LRP1B: variants seen among roughly 807,000 people sequenced by gnomAD.
LRP1B encodes LDL receptor related protein 1B, also known as low-density lipoprotein receptor-related protein 1B.
In LRP1B, 217 loss-of-function variants were observed where a neutral mutation model predicts 556.6. That is an observed-to-expected ratio of 0.39 (90% CI 0.35 to 0.44). LRP1B has a LOEUF of 0.44. Ranked by LOEUF, LRP1B falls within the 20% of genes least tolerant of loss-of-function variation. The pLI, the probability that LRP1B is intolerant of heterozygous loss-of-function variation, is 1.00. For missense variants in LRP1B, 5,053 were observed against 5,620.8 expected, an observed-to-expected ratio of 0.90 and a Z score of 3.23; for synonymous variants, 2,047 against 1,865.8, an observed-to-expected ratio of 1.10 and a Z score of -2.50.
intron 14 of LRP1B, among the ~76,000 whole-genome samples, chr2:141,005,949 C>T (rs920633404): frequency 2.6e-5 from 4 of 151,860 alleles, no homozygotes; most frequent in Non-Finnish European, 5.9e-5. Flanking sequence ...TCTGTGAAGA[C>T]CCAAAAATGA....
intron 4 of LRP1B, among the ~76,000 whole-genome samples, chr2:141,250,542 C>T (rs1196909825): frequency 6.6e-6 from 1 of 152,150 alleles, no homozygotes; most frequent in Non-Finnish European, 1.5e-5. Context: ...TTGGCTGTTG[C>T]ATCCTTTATA....
At chr2:140,476,627 A>C (rs1334034287) in intron 59 of LRP1B, among the ~76,000 whole-genome samples, 2 of 152,014 alleles carry the variant, frequency 1.3e-5, no homozygotes, top group African/African-American at 4.8e-5. Flanking sequence ...TTTGACAATC[A>C]TTTTCTTGAT....
At chr2:141,827,037 A>G (rs1037307721) in intron 1 of LRP1B, among the ~76,000 whole-genome samples, 4 of 152,324 alleles carry the variant, frequency 2.6e-5, no homozygotes, top group South Asian at 2.1e-4. Flanking sequence ...GAAAAATTCT[A>G]TGAGACCCAA....
At chr2:141,114,217 T>C (rs1010497214) in intron 7 of LRP1B, among the ~76,000 whole-genome samples, 1 of 152,240 alleles carries the variant, frequency 6.6e-6, no homozygotes, top group South Asian at 2.1e-4. Context: ...CATGGTAGCG[T>C]CTAAGGGTGT....
chr2:140,524,876 G>A (rs774030373), intron 49 of LRP1B, among the ~76,000 whole-genome samples: 5 of 151,814 alleles, frequency 3.3e-5, no homozygotes, highest in Admixed American at 6.6e-5. Context: ...ATCAATACAA[G>A]CCCAAACCTC....
At chr2:140,270,811 C>G (rs879828963) in intron 85 of LRP1B, among the ~76,000 whole-genome samples, 12 of 151,840 alleles carry the variant, frequency 7.9e-5, no homozygotes, top group African/African-American at 2.9e-4. Context: ...ACTTTTAGAC[C>G]CCACATTTCA....
chr2:140,663,685 C>T (rs74568923), intron 41 of LRP1B, among the ~76,000 whole-genome samples: 15,851 of 152,188 alleles, frequency 0.1, 970 homozygotes, highest in East Asian at 0.25. Flanking sequence ...TCCATATCAG[C>T]AAGAAGGGTA....
intron 1 of LRP1B, among the ~76,000 whole-genome samples, chr2:142,014,750 G>A (rs1228646334): frequency 6.6e-6 from 1 of 152,136 alleles, no homozygotes; most frequent in African/African-American, 2.4e-5. Context: ...TACATTGCAA[G>A]TGCCACAGAG....
chr2:141,012,776 A>G (rs1228498977), intron 14 of LRP1B, among the ~76,000 whole-genome samples: 2 of 151,950 alleles, frequency 1.3e-5, no homozygotes, highest in Non-Finnish European at 2.9e-5. Context: ...TCCAATCGAT[A>G]GCATACGTGT....
At chr2:141,876,744 G>A (rs1043937457) in intron 1 of LRP1B, among the ~76,000 whole-genome samples, 7 of 151,814 alleles carry the variant, frequency 4.6e-5, no homozygotes, top group Admixed American at 2.0e-4. Flanking sequence ...AGTTTCTTAC[G>A]TTGGCTTTCC....
chr2:140,966,757 A>G (rs1696235328), intron 18 of LRP1B, among the ~76,000 whole-genome samples: 1 of 152,180 alleles, frequency 6.6e-6, no homozygotes, highest in Admixed American at 6.5e-5. Context: ...AGCTTTCCAC[A>G]TATGGCTAGC....
chr2:140,301,475 T>C (rs1391349426), intron 83 of LRP1B, among the ~76,000 whole-genome samples: 3 of 152,120 alleles, frequency 2.0e-5, no homozygotes, highest in Non-Finnish European at 4.4e-5. Context: ...GGTACATCCT[T>C]GAGCTTCTTC....
chr2:142,039,045 T>G (rs887658031), intron 1 of LRP1B, among the ~76,000 whole-genome samples: 18 of 151,610 alleles, frequency 1.2e-4, no homozygotes, highest in African/African-American at 4.3e-4. Flanking sequence ...TGAAAAGAAA[T>G]GATTCACACC....
chr2:140,776,221 C>T lies in LRP1B; in HGVS notation c.5377G>A (p.Ala1793Thr), dbSNP rs375608980. ...LTIMDKKLWW[A>T]DQNLAQLGTC... The stretch of plus-strand genomic sequence containing the variant: ...CCTAGCTGGGCTAAGTTTTGGTCTG[C>T]CCACCACAGTTTCTTATCTAGAAAA... The change falls in exon 33 of 91, where the codon GCA becomes ACA. Residue 1793 changes from alanine to threonine, a missense_variant. Transcript: ENST00000389484. 8.2e-6 allele frequency: 13 copies of T among 1,593,384 alleles called. No individual in the cohort carries two copies. The highest frequency in any genetic ancestry group is 1.8e-5 in the Admixed American group (1 of 56,966).
At chr2:141,288,711 T>C (rs145638069) in intron 3 of LRP1B, among the ~76,000 whole-genome samples, 272 of 152,338 alleles carry the variant, frequency 1.8e-3, no homozygotes, top group African/African-American at 6.1e-3. Flanking sequence ...AAGATGCTTA[T>C]AATTATCATA....
intron 62 of LRP1B, among the ~76,000 whole-genome samples, chr2:140,454,538 A>G (rs1411333383): frequency 2.6e-5 from 4 of 152,172 alleles, no homozygotes; most frequent in Non-Finnish European, 5.9e-5. Context: ...AAAGTATTGT[A>G]CACATTTGGA....
At chr2:140,379,823 G>C (rs1683395820) in intron 67 of LRP1B, among the ~76,000 whole-genome samples, 1 of 152,122 alleles carries the variant, frequency 6.6e-6, no homozygotes, top group African/African-American at 2.4e-5. Flanking sequence ...GACCTTCACG[G>C]TATAAGACAA....
At chr2:140,794,671 T>C (rs113519121) in intron 32 of LRP1B, among the ~76,000 whole-genome samples, 31 of 151,904 alleles carry the variant, frequency 2.0e-4, no homozygotes, top group African/African-American at 7.5e-4. Context: ...TGGAGTGCAA[T>C]GGTACAATCT....
rs573377499 is a variant in LRP1B at position 140,963,549 on chromosome 2, C to A, written c.2888-11609G>T. On this transcript the variant is annotated intron_variant, in intron 18 of 90. Transcript: ENST00000389484. The stretch of plus-strand genomic sequence containing the variant: ...AAAACTGAAACAACAAAATATCTGT[C>A]AGCATCATAAAGACAGTTAAAATAA... Among the ~76,000 whole-genome samples the A allele has an allele frequency of 2.6e-5, 4 of 152,244 alleles. No individual in the cohort carries two copies. In the East Asian group the frequency reaches 7.7e-4, roughly 29 times the overall value.
Sources: gnomAD v4.1 joint callset for allele counts (sites outside exome capture counted in the v4.1 genomes callset) on GRCh38, gnomAD v4.1.1 for gene constraint, MANE v1.5 for transcripts, NCBI Gene and HGNC (gene_info 2026-07-23, HGNC 2026-07-21) for gene names.